Variants in MED13L observed in about 807,000 individuals in gnomAD.
MED13L encodes mediator complex subunit 13L, also known as mediator of RNA polymerase II transcription subunit 13-like.
In MED13L, 7 loss-of-function variants were observed where a neutral mutation model predicts 220.9. The observed-to-expected ratio is 0.03, with a 90% CI of 0.02 to 0.06. The LOEUF (loss-of-function observed/expected upper bound fraction) is 0.06. MED13L is among the 10% of genes least tolerant of loss of function. The probability of loss-of-function intolerance (pLI) is 1.00; values close to 1 mark genes in which losing one functional copy is unlikely to be tolerated. For synonymous variants in MED13L, 1,011 were observed against 1,015.2 expected, an observed-to-expected ratio of 1.00 and a Z score of 0.08; for missense variants, 1,965 against 2,760.5, an observed-to-expected ratio of 0.71 and a Z score of 6.46.
intron 2 of MED13L, among the ~76,000 whole-genome samples, chr12:116,180,646 C>T (rs903891296): frequency 1.2e-4 from 13 of 107,696 alleles, no homozygotes; most frequent in African/African-American, 4.6e-4. Flanking sequence ...TCTTAAGTCC[C>T]TCCAGATCTA....
rs556099375 is a variant in MED13L, at chr12:116,006,629, T to C, written c.2239-218A>G. On this transcript the variant is annotated intron_variant, in intron 11 of 30. Transcript: ENST00000281928. ...CCACTTTCCCCTCAATCCTATGGGG[T>C]ATTCTGAGTGAATCAGTGTTTTATG... Among the ~76,000 whole-genome samples the C allele has an allele frequency of 3.9e-5, 6 of 152,308 alleles. No homozygotes were observed. In the East Asian group the frequency reaches 9.7e-4, roughly 25 times the overall value.
chr12:116,096,417 A>G (rs1872650052), intron 4 of MED13L, among the ~76,000 whole-genome samples: 1 of 150,538 alleles, frequency 6.6e-6, no homozygotes, highest in African/African-American at 2.4e-5. Flanking sequence ...AAATAACAAA[A>G]CAGATTATCT....
intron 2 of MED13L, among the ~76,000 whole-genome samples, chr12:116,176,064 T>C (rs1880040531): frequency 6.6e-6 from 1 of 151,796 alleles, no homozygotes; most frequent in Non-Finnish European, 1.5e-5. Context: ...AAAAATCAAG[T>C]GGAGTGAGAG....
chr12:116,136,751 A>G (rs1329308092), intron 2 of MED13L, among the ~76,000 whole-genome samples: 1 of 152,222 alleles, frequency 6.6e-6, no homozygotes, highest in Admixed American at 6.5e-5. Flanking sequence ...AACCTATAAA[A>G]CCATTTCAGT....
intron 4 of MED13L, among the ~76,000 whole-genome samples, chr12:116,053,186 T>G: frequency 6.6e-6 from 1 of 152,172 alleles, no homozygotes; most frequent in East Asian, 1.9e-4. Context: ...ATTCAATGAC[T>G]TCTAAATTAT....
At chr12:116,262,890 A>C (rs1192193018) in intron 1 of MED13L, among the ~76,000 whole-genome samples, 1 of 152,134 alleles carries the variant, frequency 6.6e-6, no homozygotes, top group Admixed American at 6.5e-5. Flanking sequence ...TATCTCTCTC[A>C]AGTAATTTGT....
At chr12:116,273,937 G>A in intron 1 of MED13L, among the ~76,000 whole-genome samples, 1 of 152,134 alleles carries the variant, frequency 6.6e-6, no homozygotes, top group East Asian at 1.9e-4. Flanking sequence ...TTTTCAAAAA[G>A]GCAGATTTAA....
At chr12:116,220,114 T>C (rs1883224066) in intron 2 of MED13L, among the ~76,000 whole-genome samples, 1 of 152,066 alleles carries the variant, frequency 6.6e-6, no homozygotes, top group South Asian at 2.1e-4. Context: ...TTTAAAATGA[T>C]ATAGCAAAAC....
chr12:116,075,193 A>G (rs1033395937), intron 4 of MED13L, among the ~76,000 whole-genome samples: 2 of 152,230 alleles, frequency 1.3e-5, no homozygotes, highest in African/African-American at 2.4e-5. Flanking sequence ...TTCTTTGCCA[A>G]GACTAAGTGC....
intron 2 of MED13L, among the ~76,000 whole-genome samples, chr12:116,174,248 T>C (rs1879885172): frequency 6.6e-6 from 1 of 152,164 alleles, no homozygotes. Context: ...CTGTAGAAAT[T>C]AGAAGCCGTC....
chr12:115,997,448 G>A (rs918961589), intron 14 of MED13L, among the ~76,000 whole-genome samples: 3 of 152,184 alleles, frequency 2.0e-5, no homozygotes, highest in Non-Finnish European at 4.4e-5. Context: ...GTGAGACAAA[G>A]TATCACTGTA....
At chr12:116,036,488 C>T (rs148611617) in intron 4 of MED13L, among the ~76,000 whole-genome samples, 100 of 152,286 alleles carry the variant, frequency 6.6e-4, no homozygotes, top group Non-Finnish European at 1.3e-3. Flanking sequence ...TTACTTCTCA[C>T]GTTGAGTTTT....
intron 1 of MED13L, among the ~76,000 whole-genome samples, chr12:116,274,110 A>G (rs896306755): frequency 1.8e-4 from 27 of 152,228 alleles, no homozygotes; most frequent in Admixed American, 9.2e-4. Flanking sequence ...AAACTTATAC[A>G]ATGACCCATA....
chr12:116,012,983 T>C, intron 8 of MED13L, 82 bp from the exon 9 acceptor site: 1 of 977,608 alleles, frequency 1.0e-6, no homozygotes, highest in Non-Finnish European at 1.6e-6. Context: ...GTTGAATACA[T>C]TTCATTCACA....
chr12:116,019,595 T>C (rs548970161), intron 6 of MED13L, among the ~76,000 whole-genome samples, 183 bp from the exon 7 acceptor site: 8 of 152,296 alleles, frequency 5.3e-5, no homozygotes, highest in Admixed American at 4.6e-4. Flanking sequence ...ATAAGAGCAT[T>C]TGGAATACAA....
At chr12:116,043,378 T>C (rs1881649789) in intron 4 of MED13L, among the ~76,000 whole-genome samples, 1 of 152,204 alleles carries the variant, frequency 6.6e-6, no homozygotes, top group Non-Finnish European at 1.5e-5. Flanking sequence ...AATTAATCCT[T>C]TTATATTTAA....
intron 4 of MED13L, among the ~76,000 whole-genome samples, chr12:116,071,567 T>C (rs1339077401): frequency 4.6e-5 from 7 of 152,156 alleles, no homozygotes; most frequent in South Asian, 2.1e-4. Context: ...GCTGGGACTA[T>C]AGGCATGTGC....
At chr12:116,028,527 A>G (rs115696701) in intron 4 of MED13L, among the ~76,000 whole-genome samples, 38 of 152,298 alleles carry the variant, frequency 2.5e-4, no homozygotes, top group African/African-American at 7.9e-4. Flanking sequence ...TCTTCTTAAC[A>G]TAGTGTTTAG....
Position 115,972,230 on chromosome 12 carries a change from C to A in MED13L, c.5738G>T (p.Ser1913Ile). Residue 1913 changes from serine (S) to isoleucine (I), a missense_variant, in exon 26 of 31, where the codon AGT (serine) becomes ATT (isoleucine). By Grantham distance (142) the Ser-to-Ile change is moderately radical (BLOSUM62 -2). Transcript: ENST00000281928. Reference sequence around the variant, plus strand: ...TAGTGAACATTCTCCAAGGAGGATACTCCAATCTGAAATCAAATATCGCAG... The same window carrying A: ...TAGTGAACATTCTCCAAGGAGGATAATCCAATCTGAAATCAAATATCGCAG... The part of the protein sequence containing the change: ...RLGHGELKDW[S>I]ILLGECSLQT... 4 of 1,613,506 alleles carry A rather than the reference C, an allele frequency of 2.5e-6. No homozygotes were observed. The highest frequency in any genetic ancestry group is 2.5e-6 in the Non-Finnish European group (3 of 1,179,842).
Sources: gnomAD v4.1 joint callset for allele counts (sites outside exome capture counted in the v4.1 genomes callset) on GRCh38, gnomAD v4.1.1 for gene constraint, MANE v1.5 for transcripts, NCBI Gene and HGNC (gene_info 2026-07-23, HGNC 2026-07-21) for gene names.